INF2: variants seen among roughly 807,000 people sequenced by gnomAD.
INF2 encodes the protein inverted formin 2.
Under a neutral mutation model 123.5 loss-of-function variants are expected in INF2, and 43 were observed. The ratio of observed to expected loss-of-function variants is 0.35; its 90% CI spans 0.27 to 0.45. INF2 has a LOEUF of 0.45. Ranked by LOEUF, INF2 falls within the 20% of genes least tolerant of loss-of-function variation. The pLI, the probability that INF2 is intolerant of heterozygous loss-of-function variation, is 1.00. For synonymous variants in INF2, 851 were observed against 745.0 expected (o/e 1.14, Z -2.32); for missense variants, 1,453 against 1,682.7 (o/e 0.86, Z 2.39).
intron 22 of INF2, among the ~76,000 whole-genome samples, chr14:104,717,411 C>T (rs1035444338): frequency 3.9e-5 from 6 of 152,236 alleles, no homozygotes; most frequent in South Asian, 2.1e-4. Flanking sequence ...TTCACGTCCA[C>T]ATGCTTCTAA....
rs1379114083 is a variant in INF2, at chr14:104,710,183, G to A, written c.2234G>A (p.Cys745Tyr). ...RPKAQLVLAA[C>Y]ESLLTSRQLP... ...AAGGCCCAGCTGGTGCTGGCTGCCT[G>A]CGAAAGTGAGTGGGGCCAAGCGGGG... Residue 745 changes from cysteine (C) to tyrosine (Y), a missense_variant, in exon 13 of 23, where the codon TGC (cysteine) becomes TAC (tyrosine). Transcript: ENST00000392634. 1 of 1,547,066 alleles carries A rather than the reference G, an allele frequency of 6.5e-7. No homozygotes were observed. Among genetic ancestry groups the A allele is most frequent in the Non-Finnish European group, 8.7e-7 (1 of 1,146,348 alleles).
At chr14:104,689,592 C>A, upstream of INF2, 1 of 591,644 alleles carries the variant, frequency 1.7e-6, no homozygotes. Flanking sequence ...CCTCTTCCTC[C>A]CGCCCGCCCC....
chr14:104,716,662 G>A (rs929072096), intron 22 of INF2, among the ~76,000 whole-genome samples: 2 of 152,180 alleles, frequency 1.3e-5, no homozygotes, highest in African/African-American at 4.8e-5. Context: ...AGGGCAAGAG[G>A]AAGAAGTCCT....
chr14:104,718,804 C>G lies in INF2; in HGVS notation c.*11C>G, dbSNP rs527714590. 1.1e-5 allele frequency: 18 copies of G among 1,612,986 alleles called. No individual in the cohort carries two copies. Among genetic ancestry groups the G allele is most frequent in the Non-Finnish European group, 1.5e-5 (18 of 1,179,742 alleles). ...TTTCTCTCTCTTACAGGCCTCAGGC[C>G]CAGGCCCAAGGCCAAGTGAGAGAGC... On this transcript the variant is annotated 3_prime_UTR_variant, in exon 23 of 23. Coordinates refer to ENST00000392634, the MANE Select transcript of INF2 (RefSeq NM_022489.4).
intron 8 of INF2, 183 bp from the exon 9 acceptor site, chr14:104,708,253 C>T: frequency 1.1e-6 from 1 of 889,306 alleles, no homozygotes; most frequent in Non-Finnish European, 1.7e-6. Context: ...TGCCATGGTG[C>T]CCTGGGGCCC....
Position 104,713,531 on chromosome 14 carries a change from A to T in INF2, c.2965A>T (p.Thr989Ser). The T allele has an allele frequency of 6.2e-7, 1 of 1,611,704 alleles. No individual in the cohort carries two copies. Among genetic ancestry groups the T allele is most frequent in the Non-Finnish European group, 8.5e-7 (1 of 1,179,486 alleles). The change falls in exon 20 of 23, where the codon ACA becomes TCA. Residue 989 changes from threonine (T) to serine (S), a missense_variant. By Grantham distance (58) the Thr-to-Ser change is moderately conservative (BLOSUM62 1). Around this residue, in one of 8 missense-constraint regions of INF2, gnomAD observed 212 missense variants for 266.2 expected, o/e 0.80. Coordinates refer to ENST00000392634, the MANE Select transcript of INF2 (RefSeq NM_022489.4). ...CAGGAAGGGCTTCCAGCTGCGGAAG[A>T]CAGCCCGGGGCCGCGGGGACACCGA... ...DIRKGFQLRK[T>S]ARGRGDTDGG...
At chr14:104,681,604 G>A in intron 1 of INF2, 1 of 1,288,678 alleles carries the variant, frequency 7.8e-7, no homozygotes, top group South Asian at 1.2e-5. Context: ...GGAACGACAA[G>A]GCCAAGCTGG....
At position 104,710,175 on chromosome 14, in the gene INF2, G is replaced by T. The variant is rs1446356273; in HGVS notation, c.2226G>T (p.Leu742=). The change falls in exon 13 of 23, where the codon CTG becomes CTT. Residue 742 remains leucine, a synonymous_variant. Transcript: ENST00000392634. The part of the protein sequence containing the change: ...DMVRPKAQLV[L]AACESLLTSR... ...TGCGGCCCAAGGCCCAGCTGGTGCT[G>T]GCTGCCTGCGAAAGTGAGTGGGGCC... 6.5e-7 allele frequency: 1 copy of T among 1,548,668 alleles called. No homozygotes were observed. The highest frequency in any genetic ancestry group is 8.7e-7 in the Non-Finnish European group (1 of 1,147,106).
In INF2 at chr14:104,708,108, G is replaced by A. The variant is rs114087680; in HGVS notation, c.1735+106G>A. 26,225 of 1,530,926 alleles carry A rather than the reference G, an allele frequency of 0.017. 1,547 individuals are homozygous for A. The African/African-American group carries it at 0.2, about 11-fold the overall frequency. The allele number at this position is 1,530,926 out of a possible 1,614,324, so 94.8% of individuals were successfully genotyped here. On this transcript the variant is annotated intron_variant, in intron 8 of 22. Transcript: ENST00000392634. ...TGGAACTTGTGTGCGCGTCCTGCCC[G>A]TGCGTGGCCAGGGCAGCCTGGCCCT... is the stretch of plus-strand genomic sequence containing the variant.
intron 22 of INF2, among the ~76,000 whole-genome samples, chr14:104,717,888 C>A (rs1233686148): frequency 6.6e-6 from 1 of 152,230 alleles, no homozygotes; most frequent in Non-Finnish European, 1.5e-5. Context: ...CCCTCCCCTC[C>A]CTTTTTCCAT....
At position 104,706,764 on chromosome 14, in the gene INF2, T is replaced by C. The variant is rs117710656; in HGVS notation, c.844-146T>C. 6.8e-3 allele frequency: 5,861 copies of C among 859,854 alleles called. 33 individuals carry two copies. Among genetic ancestry groups the C allele is most frequent in the Non-Finnish European group, 8.4e-3 (4,795 of 569,710 alleles). 53.3% of individuals were successfully genotyped at this position (859,854 alleles called of 1,614,324 possible). A position where few individuals can be genotyped will look rare whatever the true frequency, so the allele number is the denominator to read the frequency against. The stretch of plus-strand genomic sequence containing the variant: ...ACAGGACAGTCCCACATGTCACCAG[T>C]ACCACAGTCGCTGAAACTCTCATCT... On this transcript the variant is annotated intron_variant, in intron 6 of 22. Transcript: ENST00000392634.
chr14:104,703,223 G>T lies in INF2; in HGVS notation c.507+3G>T, dbSNP rs1390440857. The T allele has an allele frequency of 1.9e-6, 3 of 1,613,192 alleles. No individual in the cohort carries two copies. Among genetic ancestry groups the T allele is most frequent in the Non-Finnish European group, 8.5e-7 (1 of 1,179,860 alleles). ...TGGACGCCCTGGACCACTACAAGGT[G>T]GGCGGCAGGGCCTGGGCCTGGGCAC... On this transcript the variant is annotated splice_donor_region_variant and intron_variant, in intron 3 of 22. Transcript: ENST00000392634.
chr14:104,713,956 G>A (rs1438955232), intron 20 of INF2, among the ~76,000 whole-genome samples: 1 of 152,246 alleles, frequency 6.6e-6, no homozygotes, highest in Non-Finnish European at 1.5e-5. Context: ...GCCCTGGTGG[G>A]AGGACCCCAT....
chr14:104,713,332 G>A lies in INF2; in HGVS notation c.2878+23G>A, dbSNP rs144778200. 1.2e-3 allele frequency: 1,868 copies of A among 1,551,526 alleles called. 19 individuals are homozygous for A. The African/African-American group carries it at 0.022, about 18-fold the overall frequency. Reference sequence around the variant, plus strand: ...CTGGTGAGGCTGGGCCGGCTGGGCGGGGAGGGGGTGACTCTGGGATCCTTG... The same window carrying A: ...CTGGTGAGGCTGGGCCGGCTGGGCGAGGAGGGGGTGACTCTGGGATCCTTG... On this transcript the variant is annotated intron_variant, in intron 19 of 22. Transcript: ENST00000392634.
chr14:104,718,361 C>T (rs1890411572), intron 22 of INF2, among the ~76,000 whole-genome samples: 1 of 152,140 alleles, frequency 6.6e-6, no homozygotes, highest in African/African-American at 2.4e-5. Context: ...CAGGGCTGAG[C>T]GCCCTCAGCA....
upstream of INF2, chr14:104,689,569 C>T: frequency 1.1e-6 from 1 of 917,758 alleles, no homozygotes; most frequent in Non-Finnish European, 1.3e-6. Flanking sequence ...CGCTGACGGG[C>T]GGGGCGGCAC....
chr14:104,688,747 C>T (rs58473825), upstream of INF2, among the ~76,000 whole-genome samples: 1,385 of 152,330 alleles, frequency 9.1e-3, 22 homozygotes, highest in African/African-American at 0.031. Context: ...CTCTAGCTGC[C>T]AGTGGCCCCC....
At chr14:104,687,693 C>T (rs1429234179), upstream of INF2, among the ~76,000 whole-genome samples, 2 of 152,142 alleles carry the variant, frequency 1.3e-5, no homozygotes, top group East Asian at 3.9e-4. The surrounding 1 kb of genome is among the most constrained non-coding windows in gnomAD (Gnocchi z 5.6). Flanking sequence ...CAGGCAGGAG[C>T]GGCCCTGGGG....
chr14:104,715,717 C>G (rs1566787252), intron 22 of INF2: 2 of 522,220 alleles, frequency 3.8e-6, no homozygotes, highest in East Asian at 9.1e-5. Context: ...GTCTGGTGTC[C>G]TGGCGCTAAC....
Sources: allele counts gnomAD v4.1 joint callset (sites outside exome capture counted in the v4.1 genomes callset), GRCh38; gene constraint gnomAD v4.1.1; regional missense constraint gnomAD v4.1.1; non-coding constraint Gnocchi (gnomAD v3.1); transcripts MANE v1.5; gene names NCBI Gene and HGNC (gene_info 2026-07-23, HGNC 2026-07-21).